Variants in TGIF1 observed in about 807,000 individuals in gnomAD.
TGIF1 encodes homeobox protein TGIF1.
A neutral mutation model predicts 19.3 loss-of-function variants in TGIF1; 4 were observed. That is an observed-to-expected ratio of 0.21 (90% confidence interval 0.10 to 0.47). TGIF1 has a LOEUF of 0.47. Ranked by LOEUF, TGIF1 falls within the 20% of genes least tolerant of loss-of-function variation. The probability of loss-of-function intolerance (pLI) is 0.98; values close to 1 mark genes in which losing one functional copy is unlikely to be tolerated. For missense variants in TGIF1, 275 were observed against 341.4 expected, an observed-to-expected ratio of 0.81 and a Z score of 1.53; for synonymous variants, 122 against 129.3, an observed-to-expected ratio of 0.94 and a Z score of 0.38.
At chr18:3,437,247 G>C (rs2082625660) in intron 2 of TGIF1, among the ~76,000 whole-genome samples, 2 of 152,154 alleles carry the variant, frequency 1.3e-5, no homozygotes, top group African/African-American at 4.8e-5. Flanking sequence ...ACTTCTCTGT[G>C]TGTGGAGGTG....
intron 1 of TGIF1, chr18:3,418,007 G>A (rs1334464524): frequency 1.3e-5 from 2 of 151,554 alleles, no homozygotes; most frequent in African/African-American, 4.9e-5. Context: ...AAAAAATATA[G>A]GGCTTACATA....
At chr18:3,440,501 G>C (rs770246944) in intron 2 of TGIF1, among the ~76,000 whole-genome samples, 1 of 152,170 alleles carries the variant, frequency 6.6e-6, no homozygotes. Flanking sequence ...TTGGCTCCCA[G>C]AGTGTCATTA....
chr18:3,435,064 T>A (rs1265396203), intron 2 of TGIF1, among the ~76,000 whole-genome samples: 1 of 152,222 alleles, frequency 6.6e-6, no homozygotes, highest in Non-Finnish European at 1.5e-5. Flanking sequence ...GTAATTTGTA[T>A]GTAAGTGTCA....
intron 2 of TGIF1, among the ~76,000 whole-genome samples, chr18:3,428,750 T>C (rs1320435631): frequency 6.6e-6 from 1 of 150,980 alleles, no homozygotes; most frequent in East Asian, 1.9e-4. Flanking sequence ...AAAAAAAATG[T>C]TATTTTATAG....
intron 2 of TGIF1, among the ~76,000 whole-genome samples, chr18:3,434,044 A>G (rs1243366338): frequency 2.0e-5 from 3 of 152,284 alleles, no homozygotes; most frequent in Non-Finnish European, 4.4e-5. Flanking sequence ...CTCCTTCCCT[A>G]CCAGAGATCT....
At chr18:3,430,477 AT>A (rs1377725779) in intron 2 of TGIF1, among the ~76,000 whole-genome samples, 1 of 151,914 alleles carries the variant, frequency 6.6e-6, no homozygotes, top group East Asian at 1.9e-4. Flanking sequence ...TATTTTTACA[AT>A]TTCTCAGTTT....
At chr18:3,448,265 C>T, upstream of TGIF1, 1 of 985,424 alleles carries the variant, frequency 1.0e-6, no homozygotes, top group Non-Finnish European at 1.2e-6. Context: ...CTCCTCCTCC[C>T]TGCGTCTCTC....
intron 2 of TGIF1, among the ~76,000 whole-genome samples, chr18:3,419,465 A>G (rs11664784): frequency 0.61 from 92,261 of 152,044 alleles, 30,274 homozygotes; most frequent in Middle Eastern, 0.73. Flanking sequence ...CGCTTGTATT[A>G]GGTCAGGAGA....
At chr18:3,431,049 TAAAA>T (rs1166109745) in intron 2 of TGIF1, among the ~76,000 whole-genome samples, 1 of 151,332 alleles carries the variant, frequency 6.6e-6, no homozygotes. Context: ...TGCCAGAAAA[TAAAA>T]AAACCCTGAA....
chr18:3,454,462 C>T (rs1345799801), intron 1 of TGIF1, among the ~76,000 whole-genome samples: 1 of 151,914 alleles, frequency 6.6e-6, no homozygotes, highest in Non-Finnish European at 1.5e-5. Context: ...TTGCTTTATT[C>T]AAATTTGCTT....
intron 2 of TGIF1, among the ~76,000 whole-genome samples, chr18:3,419,791 A>T (rs1454179947): frequency 6.6e-6 from 1 of 152,212 alleles, no homozygotes; most frequent in Non-Finnish European, 1.5e-5. Context: ...GGATCACCTG[A>T]GGTCAGGTGT....
intron 1 of TGIF1, chr18:3,455,093 T>C (rs2083122572): frequency 6.6e-6 from 1 of 152,152 alleles, no homozygotes; most frequent in African/African-American, 2.4e-5. Context: ...ATGCTTACCT[T>C]TACATTTTTG....
intron 2 of TGIF1, among the ~76,000 whole-genome samples, chr18:3,443,792 C>G (rs2082704346): frequency 6.6e-6 from 1 of 151,870 alleles, no homozygotes; most frequent in South Asian, 2.1e-4. Flanking sequence ...CTTGGCCTCC[C>G]AAAGTGCTGG....
At chr18:3,419,540 T>C (rs1047650737) in intron 2 of TGIF1, among the ~76,000 whole-genome samples, 4 of 152,254 alleles carry the variant, frequency 2.6e-5, no homozygotes, top group African/African-American at 9.6e-5. Flanking sequence ...CTATCCTTTC[T>C]TTTGAAGCAG....
At chr18:3,423,537 C>T (rs1305830444) in intron 2 of TGIF1, among the ~76,000 whole-genome samples, 4 of 151,960 alleles carry the variant, frequency 2.6e-5, no homozygotes, top group South Asian at 2.1e-4. Flanking sequence ...AAAAATTAGC[C>T]GGGCTTGGTG....
At chr18:3,439,738 G>C (rs1463503608) in intron 2 of TGIF1, among the ~76,000 whole-genome samples, 1 of 151,970 alleles carries the variant, frequency 6.6e-6, no homozygotes, top group Non-Finnish European at 1.5e-5. Context: ...AATAGGAATG[G>C]GGCCAGGCGT....
chr18:3,450,569 C>A, intron 1 of TGIF1, 64 bp downstream of exon 1: 1 of 1,549,606 alleles, frequency 6.5e-7, no homozygotes, highest in South Asian at 1.2e-5. Context: ...CTGGCCGGGC[C>A]GCGCCGCGCG....
chr18:3,445,754 G>GAA (rs2082735387), upstream of TGIF1, among the ~76,000 whole-genome samples: 3 of 24,792 alleles, frequency 1.2e-4, no homozygotes, highest in Admixed American at 7.0e-4. Flanking sequence ...AAAAAAAAAA[G>GAA]AGAAGAAAAG....
intron 2 of TGIF1, among the ~76,000 whole-genome samples, chr18:3,423,504 C>T (rs1398895885): frequency 6.6e-6 from 1 of 151,974 alleles, no homozygotes; most frequent in Non-Finnish European, 1.5e-5. Context: ...ACGGCGAAAC[C>T]CCGTCTCTAC....
Sources: allele counts gnomAD v4.1 joint callset (sites outside exome capture counted in the v4.1 genomes callset), GRCh38; gene constraint gnomAD v4.1.1; transcripts MANE v1.5; gene names NCBI Gene and HGNC (gene_info 2026-07-23, HGNC 2026-07-21).